ZBED6: variants seen among roughly 807,000 people sequenced by gnomAD.
ZBED6 encodes zinc finger BED-type containing 6, also known as zinc finger BED domain-containing protein 6.
A neutral mutation model predicts 58.4 loss-of-function variants in ZBED6; 40 were observed. The observed-to-expected ratio is 0.68, with a 90% CI of 0.53 to 0.89. The LOEUF is 0.89. ZBED6 is among the 40% of genes least tolerant of loss of function. The probability of loss-of-function intolerance (pLI) is 0.00; values close to 1 mark genes in which losing one functional copy is unlikely to be tolerated. For synonymous variants in ZBED6, 439 were observed against 350.6 expected, an observed-to-expected ratio of 1.25 and a Z score of -2.82; for missense variants, 1,057 against 1,003.9, an observed-to-expected ratio of 1.05 and a Z score of -0.71.
chr1:203,797,470 G>C lies in ZBED6; in HGVS notation c.-53G>C. ...GAGAGGAACAGCTGTATTTCTGCTT[G>C]AGTAATAAACCCACTAACAGATTCT... On this transcript the variant is annotated 5_prime_UTR_variant, in exon 1 of 17. The change abolishes the stop of an existing upstream ORF in the 5' untranslated region. Coordinates refer to ENST00000550078, the Ensembl canonical transcript of ZBED6. 1 of 1,425,044 alleles carries C rather than the reference G, an allele frequency of 7.0e-7. No homozygotes were observed. Among genetic ancestry groups the C allele is most frequent in the Non-Finnish European group, 9.2e-7 (1 of 1,091,896 alleles). 88.3% of individuals were successfully genotyped at this position (1,425,044 alleles called of 1,614,324 possible). A position where few individuals can be genotyped will look rare whatever the true frequency, so the allele number is the denominator to read the frequency against.
At chr1:203,816,625 T>C (rs376057207) in intron 1 of ZBED6, among the ~76,000 whole-genome samples, 3 of 152,216 alleles carry the variant, frequency 2.0e-5, no homozygotes, top group Admixed American at 6.5e-5. Flanking sequence ...AGTGAGACAC[T>C]GTCTCTAAAA....
chr1:203,800,558 A>G (rs1670255923), exon 1 of ZBED6: 1 of 1,139,708 alleles, frequency 8.8e-7, no homozygotes, highest in Non-Finnish European at 1.2e-6. Context: ...TTATAAACAC[A>G]TCTGGGGAAA....
exon 1 of ZBED6, chr1:203,796,417 A>G: frequency 2.5e-6 from 1 of 399,088 alleles, no homozygotes; most frequent in Non-Finnish European, 4.4e-6. Flanking sequence ...CGTCGGAGTC[A>G]AGAGCAACAG....
intron 1 of ZBED6, among the ~76,000 whole-genome samples, chr1:203,814,420 A>C (rs1355073588): frequency 1.3e-5 from 2 of 152,156 alleles, no homozygotes; most frequent in East Asian, 3.9e-4. Flanking sequence ...GCTACTTGGG[A>C]GACTGAGGCG....
At chr1:203,806,115 C>T (rs927319333) in intron 1 of ZBED6, 7 of 501,026 alleles carry the variant, frequency 1.4e-5, no homozygotes, top group African/African-American at 7.9e-5. Context: ...GACCCCCTCT[C>T]ATCTTGATCT....
chr1:203,849,608 A>G, intron 13 of ZBED6, 103 bp from the exon 14 acceptor site: 1 of 1,089,346 alleles, frequency 9.2e-7, no homozygotes, highest in South Asian at 1.5e-5. Flanking sequence ...CAGATTCTGG[A>G]TCATGTGAGA....
At chr1:203,833,364 CA>C (rs34277550) in intron 8 of ZBED6, among the ~76,000 whole-genome samples, 33,259 of 71,284 alleles carry the variant, frequency 0.47, 4,495 homozygotes, top group Middle Eastern at 0.55. Flanking sequence ...GACTCTGTCT[CA>C]AAAAAAAAAA....
chr1:203,798,282 G>A, exon 1 of ZBED6: 1 of 1,536,174 alleles, frequency 6.5e-7, no homozygotes. Context: ...AAGTAACATT[G>A]TCAAGCATGC....
In ZBED6 at chr1:203,820,237, GAA is replaced by G. The variant is rs542435423; in HGVS notation, c.*2873+1562_*2873+1563del. Among the ~76,000 whole-genome samples the G allele has an allele frequency of 5.0e-3, 516 of 102,946 alleles. 2 individuals are homozygous for G. The highest frequency in any genetic ancestry group is 0.046 in the Middle Eastern group (9 of 196). 67.5% of individuals were successfully genotyped at this position (102,946 alleles called of 152,430 possible). On this transcript the variant is annotated intron_variant, in intron 3 of 16. Transcript: ENST00000550078. ...GTGACAGGGCGAGACTCCATCTCAA[GAA>G]AAAAAAAAAAAAAGCCCAAATTCAA...
intron 8 of ZBED6, 66 bp downstream of exon 8, chr1:203,831,837 C>A: frequency 7.8e-7 from 1 of 1,289,128 alleles, no homozygotes; most frequent in Non-Finnish European, 1.1e-6. Flanking sequence ...ATGCAAAATC[C>A]TTGGGTATCT....
rs535907117 is a variant in ZBED6, at chr1:203,822,004, G to A, written c.*2873+3315G>A. On this transcript the variant is annotated intron_variant, in intron 3 of 16. Transcript: ENST00000550078. ...GATCTGCTGACCTCGTGATCCGCCC[G>A]CCTTGGCCTCCCAAAGTCCTGGGAT... Among the ~76,000 whole-genome samples the A allele has an allele frequency of 7.9e-5, 12 of 152,168 alleles. 1 individual carries two copies. The highest frequency in any genetic ancestry group is 4.1e-4 in the South Asian group (2 of 4,826).
chr1:203,805,781 C>A, intron 1 of ZBED6: 1 of 706,844 alleles, frequency 1.4e-6, no homozygotes, highest in Non-Finnish European at 2.6e-6. Context: ...TCCAACTCTG[C>A]TTCTAGGTTG....
rs754472202 is a variant in ZBED6, at chr1:203,800,071, A to G, written c.2549A>G (p.Asn850Ser). Residue 850 changes from asparagine (N) to serine (S), a missense_variant, in exon 1 of 17, where the codon AAT becomes AGT. Asn to Ser is a conservative substitution (Grantham distance 46). Transcript: ENST00000550078. Reference sequence around the variant, plus strand: ...TCTGTTGATAGCTCAGCTGTAGACAATGTTGCCCTTGGAAGCAAAAGCTTC... The same window carrying G: ...TCTGTTGATAGCTCAGCTGTAGACAGTGTTGCCCTTGGAAGCAAAAGCTTC... 8.5e-6 allele frequency: 13 copies of G among 1,535,980 alleles called. No individual in the cohort carries two copies. Among genetic ancestry groups the G allele is most frequent in the South Asian group, 5.9e-5 (5 of 84,058 alleles).
exon 1 of ZBED6, chr1:203,797,704 A>G (rs1184763244): frequency 6.5e-7 from 1 of 1,534,972 alleles, no homozygotes; most frequent in East Asian, 2.4e-5. Context: ...CAGCCTGCTA[A>G]AAAGAAAAGA....
chr1:203,837,423 A>G (rs928116656), intron 9 of ZBED6, among the ~76,000 whole-genome samples: 1 of 150,592 alleles, frequency 6.6e-6, no homozygotes, highest in African/African-American at 2.4e-5. Flanking sequence ...ATGTTTGTGT[A>G]TTCTAATTTT....
intron 10 of ZBED6, 141 bp downstream of exon 10, chr1:203,838,205 T>C: frequency 2.4e-6 from 2 of 828,590 alleles, no homozygotes; most frequent in South Asian, 3.7e-5. Flanking sequence ...TCAACAAACA[T>C]TTGATCCTTA....
chr1:203,826,268 C>T lies in ZBED6; in HGVS notation c.*2874-2031C>T, dbSNP rs537512848. Among the ~76,000 whole-genome samples, 8 of 152,034 alleles carry T rather than the reference C, an allele frequency of 5.3e-5. No individual in the cohort carries two copies. In the South Asian group the frequency reaches 1.7e-3, roughly 32 times the overall value. On this transcript the variant is annotated intron_variant, in intron 3 of 16. Transcript: ENST00000550078. ...TTTATTTTTACTGCTCCTTGTGGAG[C>T]AGGGCCACTCTATAGGTAGTGTGCC...
intron 7 of ZBED6, among the ~76,000 whole-genome samples, chr1:203,830,814 GA>G (rs1407684829): frequency 6.9e-6 from 1 of 144,798 alleles, no homozygotes; most frequent in East Asian, 2.2e-4. Context: ...TCTCAAAAAA[GA>G]AAAAAAAGGA....
At chr1:203,805,307 A>G (rs1178109358) in intron 1 of ZBED6, among the ~76,000 whole-genome samples, 3 of 151,314 alleles carry the variant, frequency 2.0e-5, no homozygotes, top group African/African-American at 7.3e-5. Flanking sequence ...AATTTTTTGT[A>G]TTTTTAGTAG....
Sources: gnomAD v4.1 joint callset for allele counts (sites outside exome capture counted in the v4.1 genomes callset) on GRCh38, gnomAD v4.1.1 for gene constraint, MANE v1.5 for transcripts, NCBI Gene and HGNC (gene_info 2026-07-23, HGNC 2026-07-21) for gene names.